The following RUNDC3B variants were observed in gnomAD, a reference collection of about 807,000 sequenced individuals.
RUNDC3B encodes RUN domain containing 3B.
RUNDC3B carries 33 observed loss-of-function variants against 58.4 expected under a neutral mutation model. The ratio of observed to expected loss-of-function variants is 0.56; its 90% confidence interval spans 0.43 to 0.75. The LOEUF (loss-of-function observed/expected upper bound fraction) is 0.75. RUNDC3B is among the 30% of genes least tolerant of loss of function. The probability of loss-of-function intolerance (pLI) is 0.00; values close to 1 mark genes in which losing one functional copy is unlikely to be tolerated. For synonymous variants in RUNDC3B, 193 were observed against 195.2 expected (o/e 0.99, Z 0.10); for missense variants, 501 against 535.7 (o/e 0.94, Z 0.64).
At chr7:87,639,315 A>G (rs1006549189) in intron 1 of RUNDC3B, among the ~76,000 whole-genome samples, 4 of 152,220 alleles carry the variant, frequency 2.6e-5, no homozygotes, top group Non-Finnish European at 2.9e-5. Context: ...ATGATGCAGT[A>G]TATGGTTAAT....
At chr7:87,699,874 A>G (rs1828862069) in intron 2 of RUNDC3B, among the ~76,000 whole-genome samples, 1 of 152,210 alleles carries the variant, frequency 6.6e-6, no homozygotes, top group Admixed American at 6.5e-5. Context: ...ATGGTTGGGT[A>G]GGTGGTTATG....
intron 2 of RUNDC3B, among the ~76,000 whole-genome samples, chr7:87,695,861 A>G (rs1302279440): frequency 6.6e-6 from 1 of 152,110 alleles, no homozygotes; most frequent in Non-Finnish European, 1.5e-5. Flanking sequence ...GTAAATAGAT[A>G]TCTCACTTAA....
At chr7:87,769,640 T>G (rs74988193) in intron 6 of RUNDC3B, among the ~76,000 whole-genome samples, 1 of 151,066 alleles carries the variant, frequency 6.6e-6, no homozygotes, top group East Asian at 1.9e-4. Context: ...ATTTTTCTTC[T>G]TTTTTTTTAT....
At chr7:87,696,482 AAATT>A (rs1828504306) in intron 2 of RUNDC3B, among the ~76,000 whole-genome samples, 1 of 152,168 alleles carries the variant, frequency 6.6e-6, no homozygotes, top group South Asian at 2.1e-4. Flanking sequence ...ATATTGAACT[AAATT>A]AAACCTTTCT....
chr7:87,753,389 T>C (rs1276252476), intron 6 of RUNDC3B, among the ~76,000 whole-genome samples: 1 of 151,820 alleles, frequency 6.6e-6, no homozygotes, highest in African/African-American at 2.4e-5. Context: ...GTCTATTAGG[T>C]CCACTTGGTG....
chr7:87,710,128 A>T (rs1248323035), intron 3 of RUNDC3B, among the ~76,000 whole-genome samples: 6 of 152,282 alleles, frequency 3.9e-5, no homozygotes, highest in African/African-American at 1.4e-4. Flanking sequence ...AAAGGATAGG[A>T]TTGAAAATTT....
In RUNDC3B at chr7:87,641,596, C is replaced by T. The variant is rs138943410; in HGVS notation, c.123-9226C>T. 3.7e-3 allele frequency among the ~76,000 whole-genome samples: 570 copies of T among 152,268 alleles called. 2 individuals carry two copies. The highest frequency in any genetic ancestry group is 0.013 in the African/African-American group (537 of 41,554). ...TAACTACTGTTTACCAAAAGCTGGC[C>T]GACAGCTGTGAATGTGCACTAAATG... On this transcript the variant is annotated intron_variant, in intron 1 of 10. Transcript: ENST00000394654.
At chr7:87,734,432 A>G (rs1459017995) in intron 4 of RUNDC3B, among the ~76,000 whole-genome samples, 1 of 152,174 alleles carries the variant, frequency 6.6e-6, no homozygotes, top group African/African-American at 2.4e-5. Context: ...CAGGTAGCAT[A>G]TGATTCCCTT....
chr7:87,787,284 C>G (rs1415392809), intron 8 of RUNDC3B, among the ~76,000 whole-genome samples: 2 of 152,054 alleles, frequency 1.3e-5, no homozygotes, highest in Non-Finnish European at 2.9e-5. Flanking sequence ...TCAAGAAGGC[C>G]TATAATCAAA....
intron 2 of RUNDC3B, among the ~76,000 whole-genome samples, chr7:87,673,725 A>G (rs1826053550): frequency 6.6e-6 from 1 of 152,194 alleles, no homozygotes; most frequent in Non-Finnish European, 1.5e-5. Flanking sequence ...CAGCCATTTC[A>G]GCATGGTTAA....
chr7:87,823,974 C>T (rs2130970375), intron 10 of RUNDC3B, among the ~76,000 whole-genome samples: 1 of 152,098 alleles, frequency 6.6e-6, no homozygotes, highest in East Asian at 1.9e-4. Context: ...CAATGAACTT[C>T]ACCACCCAGG....
At chr7:87,800,093 G>A (rs1440127196) in intron 8 of RUNDC3B, among the ~76,000 whole-genome samples, 4 of 152,050 alleles carry the variant, frequency 2.6e-5, no homozygotes, top group African/African-American at 7.2e-5. Context: ...TGGACCTTTG[G>A]AGTTGCATTG....
At chr7:87,733,127 C>T (rs1831693061) in intron 4 of RUNDC3B, among the ~76,000 whole-genome samples, 1 of 149,334 alleles carries the variant, frequency 6.7e-6, no homozygotes, top group Non-Finnish European at 1.5e-5. Flanking sequence ...TCCATATGGA[C>T]AGGCGCCCCC....
At chr7:87,821,457 C>A (rs760210192) in intron 10 of RUNDC3B, among the ~76,000 whole-genome samples, 1 of 152,132 alleles carries the variant, frequency 6.6e-6, no homozygotes, top group African/African-American at 2.4e-5. Flanking sequence ...TGAAAATGGC[C>A]ATACTGCCCA....
At chr7:87,785,386 C>T (rs959012865) in intron 8 of RUNDC3B, among the ~76,000 whole-genome samples, 1 of 152,136 alleles carries the variant, frequency 6.6e-6, no homozygotes, top group African/African-American at 2.4e-5. Context: ...TGGGGGCTCC[C>T]TCCTCACTAG....
intron 4 of RUNDC3B, among the ~76,000 whole-genome samples, chr7:87,730,796 AG>A (rs1467368546): frequency 6.6e-6 from 1 of 152,100 alleles, no homozygotes; most frequent in East Asian, 1.9e-4. Flanking sequence ...GACTCAGCAC[AG>A]TCCCAATACT....
chr7:87,707,067 G>A (rs1053526566), intron 3 of RUNDC3B, among the ~76,000 whole-genome samples: 1 of 152,032 alleles, frequency 6.6e-6, no homozygotes, highest in Non-Finnish European at 1.5e-5. Context: ...CCTAAAAGTA[G>A]TCCCCTAAAT....
chr7:87,704,105 GA>G (rs1401424418), intron 3 of RUNDC3B, among the ~76,000 whole-genome samples: 1 of 151,310 alleles, frequency 6.6e-6, no homozygotes, highest in Non-Finnish European at 1.5e-5. Context: ...ATTTTTAGTA[GA>G]TACAGGGTTT....
chr7:87,676,444 T>C (rs536947427), intron 2 of RUNDC3B, among the ~76,000 whole-genome samples: 6 of 152,252 alleles, frequency 3.9e-5, no homozygotes, highest in Admixed American at 2.6e-4. Flanking sequence ...CTCACACCTA[T>C]AATTCCATCA....
Sources: gnomAD v4.1 joint callset for allele counts (sites outside exome capture counted in the v4.1 genomes callset) on GRCh38, gnomAD v4.1.1 for gene constraint, MANE v1.5 for transcripts, NCBI Gene and HGNC (gene_info 2026-07-23, HGNC 2026-07-21) for gene names.